The following FYTTD1 variants were observed in gnomAD, a reference collection of about 807,000 sequenced individuals.
FYTTD1 encodes forty-two-three domain containing 1.
FYTTD1 carries 22 observed loss-of-function variants against 40.9 expected under a neutral mutation model. The observed-to-expected ratio is 0.54, with a 90% CI of 0.38 to 0.77. FYTTD1 has a LOEUF of 0.77. Ranked by LOEUF, FYTTD1 falls within the 30% of genes least tolerant of loss-of-function variation. FYTTD1 has a pLI of 0.00. For missense variants in FYTTD1, 351 were observed against 392.2 expected (o/e 0.90, Z 0.89); for synonymous variants, 140 against 137.9 (o/e 1.01, Z -0.10).
intron 8 of FYTTD1, among the ~76,000 whole-genome samples, chr3:197,781,056 G>A (rs979358500): frequency 6.6e-6 from 1 of 150,836 alleles, no homozygotes; most frequent in African/African-American, 2.4e-5. Context: ...GCTCACGCCT[G>A]TAATCCCAGC....
chr3:197,749,615 C>T (rs2109029992), upstream of FYTTD1: 10 of 1,079,464 alleles, frequency 9.3e-6, no homozygotes, highest in Non-Finnish European at 1.3e-5. Flanking sequence ...TCGAAGGACA[C>T]GGAGGATTAT....
intron 7 of FYTTD1, among the ~76,000 whole-genome samples, chr3:197,777,984 T>C (rs1729924021): frequency 6.6e-6 from 1 of 152,198 alleles, no homozygotes; most frequent in South Asian, 2.1e-4. Flanking sequence ...AGTACCGGGA[T>C]TATAGGCCCG....
intron 1 of FYTTD1, among the ~76,000 whole-genome samples, chr3:197,752,191 C>T (rs1038264662): frequency 2.6e-5 from 4 of 152,218 alleles, no homozygotes; most frequent in African/African-American, 9.6e-5. Flanking sequence ...CTCAGTTTAT[C>T]CTCATGATAA....
chr3:197,776,484 A>G (rs931006558), intron 6 of FYTTD1, among the ~76,000 whole-genome samples: 41 of 150,462 alleles, frequency 2.7e-4, no homozygotes, highest in African/African-American at 1.0e-3. Context: ...CTGCCTCCCA[A>G]AGTGCTGGGA....
intron 8 of FYTTD1, 70 bp downstream of exon 8, chr3:197,778,534 A>G: frequency 1.8e-6 from 2 of 1,095,754 alleles, no homozygotes; most frequent in Non-Finnish European, 2.6e-6. Context: ...TATTTATTAT[A>G]ATAGTGAATT....
chr3:197,751,699 T>G (rs1463737622), intron 1 of FYTTD1, among the ~76,000 whole-genome samples: 1 of 144,906 alleles, frequency 6.9e-6, no homozygotes, highest in Non-Finnish European at 1.5e-5. Flanking sequence ...AATAATGTAA[T>G]AATGAATATT....
chr3:197,784,676 AG>A lies in FYTTD1; in HGVS notation c.*2768del, dbSNP rs1469605136. ...TGTGGTGACATGTGCCTGTGGTCCC[AG>A]CTACTTGGGAGGCTGAGGCGGGAGA... is the stretch of plus-strand genomic sequence containing the variant. On this transcript the variant is annotated 3_prime_UTR_variant, in exon 9 of 9. Transcript: ENST00000241502. 1 of 152,308 alleles carries A rather than the reference AG, an allele frequency of 6.6e-6. No individual in the cohort carries two copies. Among genetic ancestry groups the A allele is most frequent in the Non-Finnish European group, 1.5e-5 (1 of 68,140 alleles). The allele number at this position is 152,308 out of a possible 1,614,324, so 9.4% of individuals were successfully genotyped here.
chr3:197,764,310 A>G (rs1729474613), intron 2 of FYTTD1, among the ~76,000 whole-genome samples: 1 of 152,222 alleles, frequency 6.6e-6, no homozygotes, highest in African/African-American at 2.4e-5. Flanking sequence ...ATGTAATGTG[A>G]CAATGAAAGG....
chr3:197,775,165 A>T (rs1729841731), intron 6 of FYTTD1, among the ~76,000 whole-genome samples: 1 of 152,206 alleles, frequency 6.6e-6, no homozygotes, highest in Non-Finnish European at 1.5e-5. Flanking sequence ...TGGAGCTTTT[A>T]GAACATTTGT....
Position 197,749,948 on chromosome 3 carries a change from GCT to G in FYTTD1, c.-20_-19del. ...TGCGACTCCGGCCTTGTCCGCGCCC[GCT>G]CTCGGCGCGACGTCTCCAGCCATGA... On this transcript the variant is annotated 5_prime_UTR_variant, in exon 1 of 9. Transcript: ENST00000241502. The G allele has an allele frequency of 6.6e-7, 1 of 1,517,042 alleles. No individual in the cohort carries two copies. The highest frequency in any genetic ancestry group is 2.7e-5 in the East Asian group (1 of 37,614). 94.0% of individuals were successfully genotyped at this position (1,517,042 alleles called of 1,614,324 possible).
At position 197,784,907 on chromosome 3, in the gene FYTTD1, C is replaced by G. The variant is rs1730122019; in HGVS notation, c.*2998C>G. On this transcript the variant is annotated 3_prime_UTR_variant, in exon 9 of 9. Coordinates refer to ENST00000241502, the MANE Select transcript of FYTTD1 (RefSeq NM_032288.7). ...TTTTTACACCTTAGTAAAGTGAGTC[C>G]TAGTGTTTTCAAGACTTGCATGTGG... 1.3e-5 allele frequency: 2 copies of G among 152,192 alleles called. No homozygotes were observed. Among genetic ancestry groups the G allele is most frequent in the African/African-American group, 4.8e-5 (2 of 41,526 alleles). The allele number at this position is 152,192 out of a possible 1,614,324, so 9.4% of individuals were successfully genotyped here. A position where few individuals can be genotyped will look rare whatever the true frequency, so the allele number is the denominator to read the frequency against.
intron 1 of FYTTD1, among the ~76,000 whole-genome samples, chr3:197,752,037 G>A (rs925579342): frequency 2.6e-5 from 4 of 152,014 alleles, no homozygotes; most frequent in African/African-American, 4.8e-5. Context: ...GCTGGTGGCC[G>A]GCTAATTTTC....
chr3:197,758,375 T>C (rs556124607), intron 2 of FYTTD1, among the ~76,000 whole-genome samples: 1 of 152,362 alleles, frequency 6.6e-6, no homozygotes, highest in East Asian at 1.9e-4. Flanking sequence ...ACTTGATAGA[T>C]ACCCTAAACT....
chr3:197,751,958 G>A (rs543474427), intron 1 of FYTTD1, among the ~76,000 whole-genome samples: 2 of 146,900 alleles, frequency 1.4e-5, no homozygotes, highest in East Asian at 4.1e-4. Context: ...TGCAACCTCC[G>A]CCTCCCGGGT....
chr3:197,768,756 C>G (rs1252163903), intron 3 of FYTTD1, among the ~76,000 whole-genome samples, 169 bp downstream of exon 3: 2 of 152,042 alleles, frequency 1.3e-5, no homozygotes, highest in Non-Finnish European at 2.9e-5. Flanking sequence ...TAAAGAATAC[C>G]TAAATTTCCA....
intron 2 of FYTTD1, among the ~76,000 whole-genome samples, chr3:197,762,040 C>T (rs145797098): frequency 3.3e-5 from 5 of 152,254 alleles, no homozygotes; most frequent in African/African-American, 1.2e-4. Flanking sequence ...GAGAGCTCTC[C>T]AGGGTCACTT....
At chr3:197,780,368 C>A (rs1426095444) in intron 8 of FYTTD1, among the ~76,000 whole-genome samples, 1 of 152,164 alleles carries the variant, frequency 6.6e-6, no homozygotes, top group Admixed American at 6.5e-5. Context: ...TCATTTCATT[C>A]TCCTAATTCC....
intron 1 of FYTTD1, chr3:197,750,577 C>T (rs1019782618): frequency 2.0e-6 from 2 of 985,222 alleles, no homozygotes; most frequent in African/African-American, 3.5e-5. Context: ...TTTCCCTGGT[C>T]GCCGGGCGTT....
chr3:197,785,293 T>C lies in FYTTD1; in HGVS notation c.*3384T>C, dbSNP rs1233532235. On this transcript the variant is annotated 3_prime_UTR_variant, in exon 9 of 9. Transcript: ENST00000241502. Reference sequence around the variant, plus strand: ...CTTGTATATACCCAACCCTGCGCAATACTGAAGTCCCACATCTGTGTAAAC... The same window carrying C: ...CTTGTATATACCCAACCCTGCGCAACACTGAAGTCCCACATCTGTGTAAAC... 6.6e-6 allele frequency: 1 copy of C among 152,230 alleles called. No homozygotes were observed. Among genetic ancestry groups the C allele is most frequent in the Non-Finnish European group, 1.5e-5 (1 of 68,048 alleles). 9.4% of individuals were successfully genotyped at this position (152,230 alleles called of 1,614,324 possible).
Sources: allele counts gnomAD v4.1 joint callset (sites outside exome capture counted in the v4.1 genomes callset), GRCh38; gene constraint gnomAD v4.1.1; transcripts MANE v1.5; gene names NCBI Gene and HGNC (gene_info 2026-07-23, HGNC 2026-07-21).